The following TRAPPC2L variants were observed in gnomAD, a reference collection of about 807,000 sequenced individuals.
The protein encoded by TRAPPC2L is trafficking protein particle complex subunit 2L.
In TRAPPC2L, 17 loss-of-function variants were observed where a neutral mutation model predicts 13.2. The observed-to-expected ratio is 1.29, with a 90% confidence interval of 0.88 to 1.93. The LOEUF is 1.93. TRAPPC2L is among the 30% of genes most tolerant of loss of function. The probability of loss-of-function intolerance (pLI) is 0.00; values close to 1 mark genes in which losing one functional copy is unlikely to be tolerated. For missense variants in TRAPPC2L, 359 were observed against 252.1 expected, an observed-to-expected ratio of 1.42 and a Z score of -2.87; for synonymous variants, 150 against 98.1, an observed-to-expected ratio of 1.53 and a Z score of -3.12.
In TRAPPC2L at chr16:88,859,552, G is replaced by A. The variant is rs3784874; in HGVS notation, c.207-111G>A. 5.9e-3 allele frequency: 6,067 copies of A among 1,035,282 alleles called. 34 individuals are homozygous for A. Among genetic ancestry groups the A allele is most frequent in the East Asian group, 0.015 (633 of 42,316 alleles). The allele number at this position is 1,035,282 out of a possible 1,614,324, so 64.1% of individuals were successfully genotyped here. ...GGCCACTGCAGGACCAGCCCAGCAT[G>A]GGCATTTCCTGTGATTCAAGGTTGC... On this transcript the variant is annotated intron_variant, in intron 2 of 3. Coordinates refer to ENST00000565504, the Ensembl canonical transcript of TRAPPC2L.
intron 1 of TRAPPC2L, chr16:88,857,598 C>T (rs1034312343): frequency 4.5e-6 from 1 of 222,838 alleles, no homozygotes; most frequent in Non-Finnish European, 8.9e-6. Context: ...CCTGTCACGC[C>T]TCTGCCTGAG....
In TRAPPC2L at chr16:88,858,562, G is replaced by A. The variant is rs989817863; in HGVS notation, c.34-57G>A. ...TCACGGCTCTGCAGCATAGTTCAGA[G>A]CTGGTGTGCGCTGGGTGGAGTCTTG... On this transcript the variant is annotated intron_variant, in intron 1 of 3. Transcript: ENST00000565504. 6 of 1,579,896 alleles carry A rather than the reference G, an allele frequency of 3.8e-6. No individual in the cohort carries two copies. In the Admixed American group the frequency reaches 8.5e-5, roughly 22 times the overall value.
chr16:88,856,282 C>T (rs528345361), upstream of TRAPPC2L: 4 of 702,994 alleles, frequency 5.7e-6, no homozygotes, highest in East Asian at 1.1e-4. Flanking sequence ...CCCGGCGGCC[C>T]GAGGTGGCGG....
At chr16:88,860,775 C>A in exon 4 of TRAPPC2L, 1 of 922,312 alleles carries the variant, frequency 1.1e-6, no homozygotes, top group Non-Finnish European at 1.7e-6. Context: ...CTGTCCTGGC[C>A]TCTCAGCGGA....
At chr16:88,857,115 T>C, upstream of TRAPPC2L, 1 of 1,519,516 alleles carries the variant, frequency 6.6e-7, no homozygotes, top group South Asian at 1.2e-5. Context: ...CAGCGGCGGG[T>C]CACGTGACGC....
exon 4 of TRAPPC2L, chr16:88,860,855 T>G: frequency 6.5e-7 from 1 of 1,546,454 alleles, no homozygotes; most frequent in East Asian, 2.3e-5. Flanking sequence ...CCGGCCCGTC[T>G]CTGAGCAGAG....
exon 4 of TRAPPC2L, chr16:88,860,305 G>A (rs749853086): frequency 1.3e-5 from 9 of 696,706 alleles, no homozygotes; most frequent in South Asian, 6.0e-5. Context: ...GGGATCACAC[G>A]TCCTTTTGTA....
At chr16:88,859,970 C>A in exon 4 of TRAPPC2L, 1 of 1,614,044 alleles carries the variant, frequency 6.2e-7, no homozygotes, top group Non-Finnish European at 8.5e-7. Context: ...GCATCCAGTC[C>A]AGGTGGGCCC....
At position 88,861,890 on chromosome 16, in the gene TRAPPC2L, C is replaced by T. The variant is rs144873381; in HGVS notation, c.*1566C>T. 48 of 293,524 alleles carry T rather than the reference C, an allele frequency of 1.6e-4. 1 individual carries two copies. The East Asian group carries it at 4.1e-3, about 25-fold the overall frequency. The allele number at this position is 293,524 out of a possible 1,614,324, so 18.2% of individuals were successfully genotyped here. ...GGGAACTTTCTTGATACATATTTGC[C>T]TTTTCATCCCATCTAGCAAGCACAG... is the stretch of plus-strand genomic sequence containing the variant. On this transcript the variant is annotated 3_prime_UTR_variant, in exon 4 of 4. Transcript: ENST00000565504.
chr16:88,857,066 C>T (rs1352771478), upstream of TRAPPC2L: 15 of 1,490,254 alleles, frequency 1.0e-5, no homozygotes, highest in Non-Finnish European at 1.3e-5. Flanking sequence ...CCTGAGCCAG[C>T]TGTGTGCGGA....
At chr16:88,856,435 C>T (rs1248224323), upstream of TRAPPC2L, 1 of 700,796 alleles carries the variant, frequency 1.4e-6, no homozygotes, top group Admixed American at 2.0e-5. Context: ...GGCCCGGTAG[C>T]ACGCCGGCCA....
At chr16:88,859,150 C>A in intron 2 of TRAPPC2L, 1 of 436,988 alleles carries the variant, frequency 2.3e-6, no homozygotes, top group South Asian at 2.0e-5. Context: ...TTTCATTAGG[C>A]CTTGCCTCTT....
chr16:88,859,592 G>C (rs1409308931), intron 2 of TRAPPC2L, 71 bp from the exon 3 acceptor site: 4 of 1,430,748 alleles, frequency 2.8e-6, no homozygotes, highest in Non-Finnish European at 3.9e-6. Flanking sequence ...TTTCTCCAAA[G>C]TGAGGGCCCA....
chr16:88,857,102 G>A (rs750343027), upstream of TRAPPC2L: 1 of 1,554,530 alleles, frequency 6.4e-7, no homozygotes, highest in Non-Finnish European at 8.6e-7. Context: ...GAGGCCGCGT[G>A]ACCAGCGGCG....
upstream of TRAPPC2L, chr16:88,857,060 A>G: frequency 3.4e-6 from 5 of 1,474,526 alleles, no homozygotes; most frequent in Admixed American, 4.5e-5. Flanking sequence ...GCGGGGCCTG[A>G]GCCAGCTGTG....
At chr16:88,856,615 G>A, upstream of TRAPPC2L, 4 of 277,720 alleles carry the variant, frequency 1.4e-5, no homozygotes, top group Non-Finnish European at 2.9e-5. Flanking sequence ...CTCCCCGCGC[G>A]GGGCCTCCCC....
chr16:88,856,522 C>T (rs1967899649), upstream of TRAPPC2L: 1 of 697,604 alleles, frequency 1.4e-6, no homozygotes, highest in Non-Finnish European at 2.6e-6. Context: ...ACCGCCGAGA[C>T]CCCACGCCTG....
At chr16:88,859,174 C>A in intron 2 of TRAPPC2L, 2 of 444,628 alleles carry the variant, frequency 4.5e-6, no homozygotes, top group Non-Finnish European at 8.6e-6. Flanking sequence ...TCACTAGACA[C>A]TCGTCTAGTC....
intron 1 of TRAPPC2L, 120 bp downstream of exon 1, chr16:88,857,303 C>G: frequency 2.1e-6 from 2 of 967,736 alleles, no homozygotes; most frequent in African/African-American, 1.7e-5. Context: ...GAGGCCTTCG[C>G]CGAGCTCCAG....
Sources: gnomAD v4.1 joint callset for allele counts on GRCh38, gnomAD v4.1.1 for gene constraint, MANE v1.5 for transcripts, NCBI Gene and HGNC (gene_info 2026-07-23, HGNC 2026-07-21) for gene names.